The following MICAL3 variants were observed in gnomAD, a reference collection of about 807,000 sequenced individuals.
The protein encoded by MICAL3 is [F-actin]-monooxygenase MICAL3.
MICAL3 carries 62 observed loss-of-function variants against 207.4 expected under a neutral mutation model. The ratio of observed to expected loss-of-function variants is 0.30; its 90% CI spans 0.24 to 0.37. The LOEUF (loss-of-function observed/expected upper bound fraction) is 0.37. Among genes scored for constraint, MICAL3 ranks in the 10% least tolerant of loss-of-function variants. MICAL3 has a pLI of 1.00. For missense variants in MICAL3, 2,368 were observed against 2,635.6 expected (o/e 0.90, Z 2.22); for synonymous variants, 1,077 against 1,069.3 (o/e 1.01, Z -0.14).
intron 29 of MICAL3, among the ~76,000 whole-genome samples, chr22:17,806,408 TG>T (rs1301853801): frequency 6.7e-6 from 1 of 150,332 alleles, no homozygotes; most frequent in Non-Finnish European, 1.5e-5. Flanking sequence ...TTGCTTGTCA[TG>T]AGGAATAGGA....
chr22:17,791,161 G>T, intron 30 of MICAL3, 41 bp downstream of exon 30: 1 of 1,608,628 alleles, frequency 6.2e-7, no homozygotes, highest in Non-Finnish European at 8.5e-7. Flanking sequence ...TGCCGGCTGT[G>T]ACAAGCATAG....
intron 1 of MICAL3, among the ~76,000 whole-genome samples, chr22:17,909,848 C>T (rs535624140): frequency 2.0e-5 from 3 of 152,294 alleles, no homozygotes; most frequent in Admixed American, 6.5e-5. Flanking sequence ...AAACAAAGGT[C>T]CCACACCATT....
chr22:17,795,424 C>T (rs1235649303), intron 29 of MICAL3, among the ~76,000 whole-genome samples: 2 of 152,216 alleles, frequency 1.3e-5, no homozygotes, highest in Admixed American at 6.5e-5. Context: ...ATGTGATACA[C>T]AACCAAACAC....
intron 1 of MICAL3, among the ~76,000 whole-genome samples, chr22:17,942,258 C>G (rs538109810): frequency 6.6e-6 from 1 of 152,286 alleles, no homozygotes; most frequent in Admixed American, 6.5e-5. Context: ...CACCAAGTGA[C>G]CGTGGCTGTC....
chr22:17,999,008 C>T (rs1289250658), intron 1 of MICAL3, among the ~76,000 whole-genome samples: 2 of 152,162 alleles, frequency 1.3e-5, no homozygotes, highest in African/African-American at 4.8e-5. Context: ...AATGGCTGCT[C>T]CTAGCAGATC....
intron 10 of MICAL3, 122 bp downstream of exon 10, chr22:17,895,162 T>C: frequency 3.0e-6 from 3 of 993,432 alleles, no homozygotes; most frequent in South Asian, 1.5e-5. Context: ...GACATCTACC[T>C]GGATGACTAA....
At position 17,796,395 on chromosome 22, in the gene MICAL3, T is replaced by C. The variant is rs541393085; in HGVS notation, c.5651-5094A>G. On this transcript the variant is annotated intron_variant, in intron 29 of 31. Transcript: ENST00000441493. The surrounding 1 kb of genome is among the most constrained non-coding windows in gnomAD (Gnocchi z 4.4). ...GAGCAGCGCATGAGATGGGCACGGA[T>C]GGCACTCTCCGGCTTCAGGGCGCCC... Among the ~76,000 whole-genome samples, 2 of 152,340 alleles carry C rather than the reference T, an allele frequency of 1.3e-5. No homozygotes were observed. The highest frequency in any genetic ancestry group is 4.8e-5 in the African/African-American group (2 of 41,580).
In MICAL3 at chr22:17,897,030, A is replaced by G. The variant is rs200049196; in HGVS notation, c.949-49T>C. The G allele has an allele frequency of 1.8e-4, 281 of 1,555,520 alleles. 2 individuals are homozygous for G. In the East Asian group the frequency reaches 2.5e-3, roughly 14 times the overall value. The stretch of plus-strand genomic sequence containing the variant: ...TAGGGATGGAGAAGCTCTGGCACTC[A>G]GCCAGAACCATGTTACACAACCCAG... On this transcript the variant is annotated intron_variant, in intron 7 of 31. Coordinates refer to ENST00000441493, the MANE Select transcript of MICAL3 (RefSeq NM_015241.3).
Position 18,000,722 on chromosome 22 carries a change from C to T in MICAL3, c.-75+23559G>A, listed in dbSNP as rs192239131. Among the ~76,000 whole-genome samples, 820 of 152,362 alleles carry T rather than the reference C, an allele frequency of 5.4e-3. 3 individuals are homozygous for T. Among genetic ancestry groups the T allele is most frequent in the Non-Finnish European group, 6.5e-3 (442 of 68,034 alleles). Reference sequence around the variant, plus strand: ...GAAGGGGCATCACTGAGACTAGAGGCGAAGGCGGCTGCGATCGCCCGGCCG... The same window carrying T: ...GAAGGGGCATCACTGAGACTAGAGGTGAAGGCGGCTGCGATCGCCCGGCCG... On this transcript the variant is annotated intron_variant, in intron 1 of 31. Transcript: ENST00000441493.
chr22:17,795,422 C>T (rs1053994983), intron 29 of MICAL3, among the ~76,000 whole-genome samples: 35 of 152,238 alleles, frequency 2.3e-4, no homozygotes, highest in African/African-American at 8.2e-4. Context: ...CCATGTGATA[C>T]ACAACCAAAC....
At chr22:17,821,587 AGAGGGTGGAGGG>A (rs1921644675) in intron 24 of MICAL3, 78 bp from the exon 25 acceptor site, 1 of 1,209,386 alleles carries the variant, frequency 8.3e-7, no homozygotes, top group Non-Finnish European at 1.2e-6. Flanking sequence ...AGCCAGCCCC[AGAGGGTGGAGGG>A]GAGGGTAGAG....
intron 20 of MICAL3, among the ~76,000 whole-genome samples, chr22:17,836,407 A>G (rs755756274): frequency 7.2e-5 from 11 of 152,170 alleles, no homozygotes; most frequent in Non-Finnish European, 1.6e-4. Flanking sequence ...TTGCATAAGG[A>G]GAAGTCGGGA....
intron 29 of MICAL3, among the ~76,000 whole-genome samples, chr22:17,797,777 A>G (rs2061891934): frequency 6.6e-6 from 1 of 152,230 alleles, no homozygotes; most frequent in Admixed American, 6.5e-5. Flanking sequence ...GAGCACCCCA[A>G]ACGCACCGGC....
At chr22:17,969,333 C>G (rs1317580462) in intron 1 of MICAL3, among the ~76,000 whole-genome samples, 1 of 152,242 alleles carries the variant, frequency 6.6e-6, no homozygotes, top group Non-Finnish European at 1.5e-5. Flanking sequence ...GCCACTGCAC[C>G]CGGCCAAATG....
intron 19 of MICAL3, chr22:17,864,542 C>T: frequency 6.9e-7 from 1 of 1,441,378 alleles, no homozygotes; most frequent in Non-Finnish European, 9.1e-7. Context: ...TGTCTGAGCG[C>T]CTGCGAGCTC....
At chr22:17,847,014 T>C (rs1261707650) in intron 19 of MICAL3, among the ~76,000 whole-genome samples, 2 of 152,226 alleles carry the variant, frequency 1.3e-5, no homozygotes, top group East Asian at 3.8e-4. Flanking sequence ...TCTCGGCTGC[T>C]GGGCAAGAGC....
intron 27 of MICAL3, chr22:17,812,421 T>C: frequency 4.8e-6 from 3 of 628,236 alleles, no homozygotes; most frequent in Non-Finnish European, 6.0e-6. Context: ...TTAGTGAGGA[T>C]GTGGCTGGAG....
rs143710622 is a variant in MICAL3 at position 17,875,375 on chromosome 22, A to G, written c.2242-3352T>C. The G allele has an allele frequency of 1.0e-3, 964 of 941,412 alleles. 8 individuals carry two copies. In the African/African-American group the frequency reaches 0.015, roughly 15 times the overall value. The allele number at this position is 941,412 out of a possible 1,614,324, so 58.3% of individuals were successfully genotyped here. A position where few individuals can be genotyped will look rare whatever the true frequency, so the allele number is the denominator to read the frequency against. On this transcript the variant is annotated intron_variant, in intron 16 of 31. Transcript: ENST00000441493. Reference sequence around the variant, plus strand: ...GGAACACTGCAGCCTCCTGGGGTACATGACACTTGCGAAAGTGACGTGAGT... The same window carrying G: ...GGAACACTGCAGCCTCCTGGGGTACGTGACACTTGCGAAAGTGACGTGAGT...
chr22:17,969,530 C>CTCTTCCTTCCT (rs1935307034), intron 1 of MICAL3, among the ~76,000 whole-genome samples: 1 of 151,834 alleles, frequency 6.6e-6, no homozygotes, highest in African/African-American at 2.4e-5. Context: ...GCTTTTTTTT[C>CTCTTCCTTCCT]TCTTCCTTCC....
Sources: allele counts gnomAD v4.1 joint callset (sites outside exome capture counted in the v4.1 genomes callset), GRCh38; gene constraint gnomAD v4.1.1; non-coding constraint Gnocchi (gnomAD v3.1); transcripts MANE v1.5; gene names NCBI Gene and HGNC (gene_info 2026-07-23, HGNC 2026-07-21).